Variants in ANKH observed in about 807,000 individuals in gnomAD.
ANKH encodes the protein mineralization regulator ANKH.
ANKH carries 15 observed loss-of-function variants against 49.0 expected under a neutral mutation model. That is an observed-to-expected ratio of 0.31 (90% CI 0.20 to 0.47). The LOEUF (loss-of-function observed/expected upper bound fraction) is 0.47. Among genes scored for constraint, ANKH ranks in the 20% least tolerant of loss-of-function variants. The pLI, the probability that ANKH is intolerant of heterozygous loss-of-function variation, is 1.00. For missense variants in ANKH, 429 were observed against 652.0 expected, an observed-to-expected ratio of 0.66 and a Z score of 3.72; for synonymous variants, 273 against 260.0, an observed-to-expected ratio of 1.05 and a Z score of -0.48.
rs375158424 is a variant in ANKH at position 14,751,060 on chromosome 5, T to C, written c.687+9A>G. The C allele has an allele frequency of 8.7e-6, 14 of 1,614,052 alleles. No individual in the cohort carries two copies. Among genetic ancestry groups the C allele is most frequent in the Non-Finnish European group, 1.2e-5 (14 of 1,179,994 alleles). Reference sequence around the variant, plus strand: ...CTCAGACAGACTGCTGTTGGGTTGGTAGACGTACCCCCAGCTCCGGGCCAC... The same window carrying C: ...CTCAGACAGACTGCTGTTGGGTTGGCAGACGTACCCCCAGCTCCGGGCCAC... On this transcript the variant is annotated intron_variant, in intron 5 of 11. Transcript: ENST00000284268.
chr5:14,760,276 GA>G (rs1739035073), intron 2 of ANKH, among the ~76,000 whole-genome samples: 1 of 152,176 alleles, frequency 6.6e-6, no homozygotes, highest in Admixed American at 6.5e-5. Flanking sequence ...AAGGGACATG[GA>G]TGGAAGGAGG....
At chr5:14,852,707 T>C (rs1742150734) in intron 1 of ANKH, among the ~76,000 whole-genome samples, 1 of 152,140 alleles carries the variant, frequency 6.6e-6, no homozygotes, top group African/African-American at 2.4e-5. Context: ...CTTTAAATTA[T>C]ATCAAGTTAC....
chr5:14,849,760 T>G (rs1561083376), intron 1 of ANKH, among the ~76,000 whole-genome samples: 1 of 152,218 alleles, frequency 6.6e-6, no homozygotes. Context: ...CCCTCTGCCC[T>G]GGATGAGAAT....
intron 1 of ANKH, among the ~76,000 whole-genome samples, chr5:14,771,921 GAAAAAAAAAAAAAA>G (rs869185652): frequency 1.5e-4 from 8 of 53,384 alleles, no homozygotes; most frequent in African/African-American, 4.8e-4. Flanking sequence ...CTCAAAAAAA[GAAAAAAAAAAAAAA>G]AAAAAAAAAA....
chr5:14,840,279 C>G, intron 1 of ANKH, among the ~76,000 whole-genome samples: 1 of 152,080 alleles, frequency 6.6e-6, no homozygotes, highest in East Asian at 1.9e-4. Context: ...TTTCCTCTTT[C>G]TGTATTCAAG....
At chr5:14,794,442 C>T (rs903166914) in intron 1 of ANKH, among the ~76,000 whole-genome samples, 1 of 152,204 alleles carries the variant, frequency 6.6e-6, no homozygotes, top group Non-Finnish European at 1.5e-5. Flanking sequence ...GTAAGAGGCT[C>T]TGGGGATGTT....
chr5:14,858,763 T>A (rs939012429), intron 1 of ANKH, among the ~76,000 whole-genome samples: 1 of 142,054 alleles, frequency 7.0e-6, no homozygotes, highest in South Asian at 2.3e-4. Context: ...ATAAATAAAA[T>A]AAAATAAAAT....
chr5:14,747,541 T>A (rs1371004762), intron 6 of ANKH, among the ~76,000 whole-genome samples: 1 of 152,090 alleles, frequency 6.6e-6, no homozygotes, highest in Non-Finnish European at 1.5e-5. Context: ...CCTACCTGGG[T>A]GACAAAGCAA....
At chr5:14,828,155 C>A (rs1401679253) in intron 1 of ANKH, among the ~76,000 whole-genome samples, 3 of 152,096 alleles carry the variant, frequency 2.0e-5, no homozygotes, top group Non-Finnish European at 4.4e-5. Context: ...GAGTGTGTGA[C>A]AGGTCAGCTT....
intron 1 of ANKH, among the ~76,000 whole-genome samples, chr5:14,784,009 C>T (rs552667910): frequency 2.6e-5 from 4 of 152,358 alleles, no homozygotes; most frequent in African/African-American, 9.6e-5. Flanking sequence ...CAGCTTTGTC[C>T]TCCACCTTGC....
chr5:14,841,812 C>T (rs1236365867), intron 1 of ANKH, among the ~76,000 whole-genome samples: 2 of 152,158 alleles, frequency 1.3e-5, no homozygotes, highest in African/African-American at 2.4e-5. Flanking sequence ...CTAAGTACCA[C>T]ATATGAATAA....
chr5:14,838,952 T>C (rs1452951937), intron 1 of ANKH, among the ~76,000 whole-genome samples: 1 of 152,152 alleles, frequency 6.6e-6, no homozygotes, highest in African/African-American at 2.4e-5. Context: ...ACTTGATTAT[T>C]TGTTAATGTT....
chr5:14,839,702 G>GAAT (rs1188790398), intron 1 of ANKH, among the ~76,000 whole-genome samples: 1 of 152,094 alleles, frequency 6.6e-6, no homozygotes, highest in East Asian at 1.9e-4. Flanking sequence ...TCAAGACACT[G>GAAT]GAAAACAGAA....
intron 1 of ANKH, among the ~76,000 whole-genome samples, chr5:14,863,045 G>A (rs759309465): frequency 7.2e-5 from 11 of 152,096 alleles, no homozygotes; most frequent in Non-Finnish European, 1.3e-4. Flanking sequence ...TATTAGCTAT[G>A]TTTATGGTGT....
intron 8 of ANKH, among the ~76,000 whole-genome samples, chr5:14,739,396 G>A (rs1488898903): frequency 2.6e-5 from 4 of 152,106 alleles, no homozygotes; most frequent in African/African-American, 9.7e-5. Context: ...CAGCCTGGGC[G>A]ACGGAGTGAG....
At chr5:14,780,931 C>T (rs1580062215) in intron 1 of ANKH, among the ~76,000 whole-genome samples, 1 of 152,202 alleles carries the variant, frequency 6.6e-6, no homozygotes, top group Non-Finnish European at 1.5e-5. Flanking sequence ...ATGTGCCTTA[C>T]ACCCTAAGTC....
intron 1 of ANKH, chr5:14,797,842 G>A (rs1223591542): frequency 5.0e-6 from 8 of 1,611,534 alleles, no homozygotes; most frequent in Non-Finnish European, 6.8e-6. Context: ...CTGAGATTTA[G>A]GTTCCAAGAA....
chr5:14,836,389 C>A (rs927082235), intron 1 of ANKH, among the ~76,000 whole-genome samples: 2 of 152,254 alleles, frequency 1.3e-5, no homozygotes, highest in African/African-American at 4.8e-5. Flanking sequence ...AGCCCCAAAT[C>A]TGCTTAAGCT....
At chr5:14,724,606 G>A (rs943502541) in intron 8 of ANKH, 5 of 985,024 alleles carry the variant, frequency 5.1e-6, no homozygotes, top group Non-Finnish European at 1.2e-6. Context: ...TAAGAACCAC[G>A]GAAGGGGGAT....
Sources: gnomAD v4.1 joint callset for allele counts (sites outside exome capture counted in the v4.1 genomes callset) on GRCh38, gnomAD v4.1.1 for gene constraint, MANE v1.5 for transcripts, NCBI Gene and HGNC (gene_info 2026-07-23, HGNC 2026-07-21) for gene names.